The following CCDC88A variants were observed in gnomAD, a reference collection of about 807,000 sequenced individuals.
CCDC88A encodes the protein coiled-coil and HOOK domain protein 88A, also known as girdin.
CCDC88A carries 54 observed loss-of-function variants against 234.3 expected under a neutral mutation model. The observed-to-expected ratio is 0.23, with a 90% CI of 0.19 to 0.29. The LOEUF is 0.29. CCDC88A is among the 10% of genes least tolerant of loss of function. The pLI is 1.00. For synonymous variants in CCDC88A, 753 were observed against 737.8 expected (o/e 1.02, Z -0.33); for missense variants, 1,832 against 2,123.4 (o/e 0.86, Z 2.70).
At chr2:55,379,027 T>G (rs1430218687) in intron 3 of CCDC88A, among the ~76,000 whole-genome samples, 1 of 152,206 alleles carries the variant, frequency 6.6e-6, no homozygotes, top group African/African-American at 2.4e-5. Context: ...ATTACAGGCA[T>G]GAACCACTGC....
Position 55,289,426 on chromosome 2 carries a change from T to A in CCDC88A, c.*1774A>T, listed in dbSNP as rs534460989. On this transcript the variant is annotated 3_prime_UTR_variant, in exon 33 of 33. Transcript: ENST00000436346. ...ACTGCTCTGATACCTATTACCAATG[T>A]GCTACTTGAATCCAGGGAGTTATGA... The A allele has an allele frequency of 2.6e-5, 4 of 152,572 alleles. No homozygotes were observed. The highest frequency in any genetic ancestry group is 6.5e-5 in the Admixed American group (1 of 15,280). 9.5% of individuals were successfully genotyped at this position (152,572 alleles called of 1,614,324 possible).
chr2:55,345,644 A>C (rs1183632259), intron 10 of CCDC88A: 1 of 152,460 alleles, frequency 6.6e-6, no homozygotes, highest in African/African-American at 2.4e-5. Flanking sequence ...TGATCTACCC[A>C]CCTTGGCCTC....
rs748764467 is a variant in CCDC88A, at chr2:55,316,079, G to A, written c.3782C>T (p.Thr1261Ile). ...TTTATGGTCAGTTTGTAAAACTTCA[G>A]TCTCTTTTAAAAGTTGACTATAGGT... is the stretch of plus-strand genomic sequence containing the variant. Reference protein sequence around the residue: ...NHTYSQLLKETEVLQTDHKNL... With the variant: ...NHTYSQLLKEIEVLQTDHKNL... The change falls in exon 22 of 33, where the codon ACT becomes ATT. Residue 1261 changes from threonine to isoleucine, a missense_variant. Thr to Ile is a moderately conservative substitution (Grantham distance 89). This residue lies in a region of CCDC88A where 1,282 missense variants were observed against 1,543.6 expected (regional missense o/e 0.83). Coordinates refer to ENST00000436346, the MANE Select transcript of CCDC88A (RefSeq NM_001365480.1). 2 of 1,549,536 alleles carry A rather than the reference G, an allele frequency of 1.3e-6. No homozygotes were observed. Among genetic ancestry groups the A allele is most frequent in the Non-Finnish European group, 1.8e-6 (2 of 1,134,108 alleles).
intron 25 of CCDC88A, among the ~76,000 whole-genome samples, chr2:55,306,877 A>G (rs990992434): frequency 4.6e-5 from 7 of 152,204 alleles, no homozygotes; most frequent in African/African-American, 1.4e-4. Flanking sequence ...CGCCTGGCCT[A>G]TAGCCCATAA....
chr2:55,295,460 T>C, intron 31 of CCDC88A, 137 bp downstream of exon 31: 1 of 1,566,266 alleles, frequency 6.4e-7, no homozygotes, highest in East Asian at 2.4e-5. Context: ...AATGTGACCT[T>C]CCTGTTCTTG....
chr2:55,412,761 G>A (rs1041774355), intron 2 of CCDC88A, among the ~76,000 whole-genome samples: 1 of 152,038 alleles, frequency 6.6e-6, no homozygotes, highest in Non-Finnish European at 1.5e-5. Context: ...AACATTTATT[G>A]GACACTTTCT....
intron 2 of CCDC88A, among the ~76,000 whole-genome samples, chr2:55,415,702 A>C (rs553815611): frequency 6.6e-6 from 1 of 152,320 alleles, no homozygotes; most frequent in Non-Finnish European, 1.5e-5. Flanking sequence ...TTATCAGAAT[A>C]TAAGTGTGAG....
rs1474166253 is a variant in CCDC88A at position 55,328,073 on chromosome 2, C to A, written c.2997+221G>T. On this transcript the variant is annotated intron_variant, in intron 17 of 32. Transcript: ENST00000436346. This position sits in a 1 kb window ranked among gnomAD's most constrained non-coding sequence, Gnocchi z 4.3. ...CCACACACTTCTGATATATCCCTAACAGCAGGCAGGAATATTACACACATG... is the reference window on the plus strand; with the variant it reads ...CCACACACTTCTGATATATCCCTAAAAGCAGGCAGGAATATTACACACATG... Among the ~76,000 whole-genome samples, 1 of 152,150 alleles carries A rather than the reference C, an allele frequency of 6.6e-6. No individual in the cohort carries two copies. The highest frequency in any genetic ancestry group is 1.5e-5 in the Non-Finnish European group (1 of 68,030).
At chr2:55,401,034 T>C (rs1313535435) in intron 2 of CCDC88A, among the ~76,000 whole-genome samples, 1 of 152,112 alleles carries the variant, frequency 6.6e-6, no homozygotes, top group Non-Finnish European at 1.5e-5. Context: ...CCATTAAGGG[T>C]TATCCAAGTA....
In CCDC88A at chr2:55,343,671, G is replaced by C; in HGVS notation, c.1310C>G (p.Ser437Cys). 1 of 1,607,586 alleles carries C rather than the reference G, an allele frequency of 6.2e-7. No homozygotes were observed. The highest frequency in any genetic ancestry group is 8.5e-7 in the Non-Finnish European group (1 of 1,177,418). Reference protein sequence around the residue: ...LHLGWELEQISRTSELSEAPQ... With the variant: ...LHLGWELEQICRTSELSEAPQ... ...ACCTTCGGAAAGTTCACTAGTTCTGGATATCTGTTCCAGTTCCCAGCCAAG... is the reference window on the plus strand; with the variant it reads ...ACCTTCGGAAAGTTCACTAGTTCTGCATATCTGTTCCAGTTCCCAGCCAAG... The change falls in exon 12 of 33, where the codon TCC becomes TGC. Residue 437 changes from serine (S) to cysteine (C), a missense_variant. By Grantham distance (112) the Ser-to-Cys change is moderately radical. Coordinates refer to ENST00000436346, the MANE Select transcript of CCDC88A (RefSeq NM_001365480.1).
chr2:55,383,863 C>T (rs6725968), intron 3 of CCDC88A, among the ~76,000 whole-genome samples: 130,645 of 151,994 alleles, frequency 0.86, 56,588 homozygotes, highest in Admixed American at 0.93. Flanking sequence ...ATAATAAGAA[C>T]AAAAAAATTA....
In CCDC88A at chr2:55,302,887, A is replaced by G. The variant is rs1574019106; in HGVS notation, c.4471+182T>C. On this transcript the variant is annotated intron_variant, in intron 26 of 32. Coordinates refer to ENST00000436346, the MANE Select transcript of CCDC88A (RefSeq NM_001365480.1). ...TATGCACGTATATGTATCAGTGGAC[A>G]TATACATAATGCAAATTCAGTGCCA... is the stretch of plus-strand genomic sequence containing the variant. The G allele has an allele frequency of 5.7e-6, 3 of 529,474 alleles. No homozygotes were observed. The East Asian group carries it at 9.2e-5, about 16-fold the overall frequency. 32.8% of individuals were successfully genotyped at this position (529,474 alleles called of 1,614,324 possible). A position where few individuals can be genotyped will look rare whatever the true frequency, so the allele number is the denominator to read the frequency against.
Position 55,302,010 on chromosome 2 carries a change from A to G in CCDC88A, c.4534T>C (p.Leu1512=). 4 of 1,614,156 alleles carry G rather than the reference A, an allele frequency of 2.5e-6. No individual in the cohort carries two copies. Among genetic ancestry groups the G allele is most frequent in the Admixed American group, 3.3e-5 (2 of 60,024 alleles). Residue 1512 remains leucine (L), a synonymous_variant, in exon 27 of 33, where the codon TTG becomes CTG. Coordinates refer to ENST00000436346, the MANE Select transcript of CCDC88A (RefSeq NM_001365480.1). Reference sequence around the variant, plus strand: ...GTTGAAATATCATCAGGAACCTCCAAATTCTCAGTACTACCTGTCCACTGT... The same window carrying G: ...GTTGAAATATCATCAGGAACCTCCAGATTCTCAGTACTACCTGTCCACTGT... ...AGQWTGSTEN[L]EVPDDISTGK... is the part of the protein sequence containing the mutation.
intron 2 of CCDC88A, chr2:55,417,982 A>G (rs1376914430): frequency 5.9e-5 from 9 of 152,170 alleles, no homozygotes; most frequent in South Asian, 4.1e-4. Flanking sequence ...GATAAACTAC[A>G]TTAGCGTACT....
rs746200482 is a variant in CCDC88A at position 55,301,325 on chromosome 2, A to G, written c.4673-48T>C. ...TATAAAGATATTTTTGTAATAAAAA[A>G]CCATTATAAAATTTTATTTACATAG... is the stretch of plus-strand genomic sequence containing the variant. On this transcript the variant is annotated intron_variant, in intron 27 of 32. Transcript: ENST00000436346. 6 of 1,011,862 alleles carry G rather than the reference A, an allele frequency of 5.9e-6. No homozygotes were observed. The South Asian group carries it at 8.9e-5, about 15-fold the overall frequency. The allele number at this position is 1,011,862 out of a possible 1,614,324, so 62.7% of individuals were successfully genotyped here. A position where few individuals can be genotyped will look rare whatever the true frequency, so the allele number is the denominator to read the frequency against.
At position 55,317,414 on chromosome 2, in the gene CCDC88A, A is replaced by G; in HGVS notation, c.3603-65T>C. 3 of 1,255,982 alleles carry G rather than the reference A, an allele frequency of 2.4e-6. No individual in the cohort carries two copies. Among genetic ancestry groups the G allele is most frequent in the Non-Finnish European group, 3.2e-6 (3 of 935,962 alleles). The allele number at this position is 1,255,982 out of a possible 1,614,324, so 77.8% of individuals were successfully genotyped here. On this transcript the variant is annotated intron_variant, in intron 20 of 32. Transcript: ENST00000436346. The surrounding 1 kb of genome is among the most constrained non-coding windows in gnomAD (Gnocchi z 4.2). ...AAAAGAAATTTTAGAAATGAAGGAA[A>G]TGAGTAATGAGTATCATTTAAAACA...
At chr2:55,399,923 T>C (rs1326161148) in intron 2 of CCDC88A, 1 of 152,164 alleles carries the variant, frequency 6.6e-6, no homozygotes, top group Non-Finnish European at 1.5e-5. Context: ...GTGTGTGTGT[T>C]TTTATCAGCT....
chr2:55,392,013 T>C (rs1276497166), intron 2 of CCDC88A, among the ~76,000 whole-genome samples: 2 of 152,212 alleles, frequency 1.3e-5, no homozygotes, highest in Admixed American at 6.5e-5. Flanking sequence ...AGGCCACATA[T>C]TGCATAGAAT....
At chr2:55,399,297 C>T (rs1349471508) in intron 2 of CCDC88A, among the ~76,000 whole-genome samples, 1 of 151,706 alleles carries the variant, frequency 6.6e-6, no homozygotes, top group African/African-American at 2.4e-5. Context: ...GAGGTCAAGG[C>T]GGGTGGATCA....
Sources: allele counts gnomAD v4.1 joint callset (sites outside exome capture counted in the v4.1 genomes callset), GRCh38; gene constraint gnomAD v4.1.1; regional missense constraint gnomAD v4.1.1; non-coding constraint Gnocchi (gnomAD v3.1); transcripts MANE v1.5; gene names NCBI Gene and HGNC (gene_info 2026-07-23, HGNC 2026-07-21).